Variants in DROSHA observed in about 807,000 individuals in gnomAD.
DROSHA encodes the protein drosha ribonuclease III.
A neutral mutation model predicts 181.9 loss-of-function variants in DROSHA; 56 were observed. The observed-to-expected ratio is 0.31, with a 90% CI of 0.25 to 0.38. The LOEUF (loss-of-function observed/expected upper bound fraction) is 0.38, where lower values mean the gene tolerates loss of function less well. Among genes scored for constraint, DROSHA ranks in the 10% least tolerant of loss-of-function variants. The probability of loss-of-function intolerance (pLI) is 1.00; values close to 1 mark genes in which losing one functional copy is unlikely to be tolerated. For synonymous variants in DROSHA, 524 were observed against 591.2 expected (o/e 0.89, Z 1.65); for missense variants, 1,218 against 1,743.5 (o/e 0.70, Z 5.37).
rs556591157 is a variant in DROSHA, at chr5:31,455,236, C to T, written c.2575-3596G>A. ...AAGACTTCAAGAGAAAATGACAGAT[C>T]CAGAAGAGAAGCAAAAAAGATATAA... On this transcript the variant is annotated intron_variant, in intron 20 of 35. Transcript: ENST00000344624. 4.0e-5 allele frequency among the ~76,000 whole-genome samples: 6 copies of T among 151,448 alleles called. No individual in the cohort carries two copies. In the South Asian group the frequency reaches 1.0e-3, roughly 26 times the overall value.
chr5:31,449,090 G>A (rs544149291), intron 22 of DROSHA, among the ~76,000 whole-genome samples, 191 bp downstream of exon 22: 3 of 151,530 alleles, frequency 2.0e-5, no homozygotes, highest in East Asian at 1.9e-4. Flanking sequence ...AGCTGAGATC[G>A]TGCCACTGCA....
Position 31,532,049 on chromosome 5 carries a change from G to T in DROSHA, c.-309C>A, listed in dbSNP as rs1741490719. The T allele has an allele frequency of 3.0e-6, 1 of 336,770 alleles. No individual in the cohort carries two copies. Among genetic ancestry groups the T allele is most frequent in the Non-Finnish European group, 5.5e-6 (1 of 181,448 alleles). The allele number at this position is 336,770 out of a possible 1,614,324, so 20.9% of individuals were successfully genotyped here. The stretch of plus-strand genomic sequence containing the variant: ...AGAGCAAAGCCAGGCTACTACCGCA[G>T]GTACCAAGACAGTGGCACCGCCCGC... On this transcript the variant is annotated 5_prime_UTR_variant, in exon 1 of 36. The change creates a new upstream start codon in the 5' untranslated region. Coordinates refer to ENST00000344624, the MANE Select transcript of DROSHA (RefSeq NM_001382508.1).
intron 30 of DROSHA, among the ~76,000 whole-genome samples, chr5:31,419,999 G>T (rs1742477205): frequency 6.6e-6 from 1 of 151,880 alleles, no homozygotes; most frequent in South Asian, 2.1e-4. Flanking sequence ...GAGTACTGCT[G>T]ATTCCTCAGC....
intron 14 of DROSHA, among the ~76,000 whole-genome samples, chr5:31,485,650 A>AACC (rs1554039002): frequency 2.0e-5 from 3 of 149,438 alleles, no homozygotes; most frequent in Admixed American, 6.7e-5. Flanking sequence ...AAAAAAAAAA[A>AACC]CCCTTCTAAA....
At position 31,406,843 on chromosome 5, in the gene DROSHA, C is replaced by T; in HGVS notation, c.3947+10G>A. On this transcript the variant is annotated intron_variant, in intron 34 of 35. Coordinates refer to ENST00000344624, the MANE Select transcript of DROSHA (RefSeq NM_001382508.1). ...CATTCAAAGCAATTCCAGGTATTCT[C>T]TTCTCATACCTTGGTCCTTTCCCAC... 6.2e-7 allele frequency: 1 copy of T among 1,611,084 alleles called. No homozygotes were observed. The highest frequency in any genetic ancestry group is 1.7e-4 in the Middle Eastern group (1 of 6,056).
chr5:31,497,868 G>C (rs925056203), intron 11 of DROSHA, among the ~76,000 whole-genome samples: 1 of 152,198 alleles, frequency 6.6e-6, no homozygotes, highest in Non-Finnish European at 1.5e-5. Context: ...TGCTCAAGCA[G>C]TTTATTCTGC....
chr5:31,470,491 C>A lies in DROSHA; in HGVS notation c.2241+1572G>T, dbSNP rs975479711. On this transcript the variant is annotated intron_variant, in intron 17 of 35. Coordinates refer to ENST00000344624, the MANE Select transcript of DROSHA (RefSeq NM_001382508.1). The surrounding 1 kb of genome is among the most constrained non-coding windows in gnomAD (Gnocchi z 4.0). Reference sequence around the variant, plus strand: ...CGCAACTACTTTTGTGCCAGCCTAACATATAACTTCACTAGCACCTGGCTC... The same window carrying A: ...CGCAACTACTTTTGTGCCAGCCTAAAATATAACTTCACTAGCACCTGGCTC... Among the ~76,000 whole-genome samples, 4 of 152,180 alleles carry A rather than the reference C, an allele frequency of 2.6e-5. No homozygotes were observed. Among genetic ancestry groups the A allele is most frequent in the Non-Finnish European group, 5.9e-5 (4 of 68,032 alleles).
chr5:31,428,000 G>A (rs1177250230), intron 27 of DROSHA, among the ~76,000 whole-genome samples: 1 of 152,130 alleles, frequency 6.6e-6, no homozygotes, highest in African/African-American at 2.4e-5. Context: ...CTGTTTGTAA[G>A]ATAATGTTCA....
chr5:31,528,478 C>T (rs1028432890), intron 4 of DROSHA, among the ~76,000 whole-genome samples: 3 of 151,466 alleles, frequency 2.0e-5, no homozygotes, highest in African/African-American at 7.3e-5. Context: ...TCTGACTTGT[C>T]CTCCCTCACC....
intron 24 of DROSHA, among the ~76,000 whole-genome samples, chr5:31,436,317 A>G (rs933573725): frequency 6.6e-6 from 1 of 152,140 alleles, no homozygotes; most frequent in African/African-American, 2.4e-5. Flanking sequence ...GAGTTCCAAG[A>G]GAAGCATGTA....
chr5:31,482,374 G>A (rs1751133451), intron 16 of DROSHA, among the ~76,000 whole-genome samples: 1 of 152,050 alleles, frequency 6.6e-6, no homozygotes, highest in Admixed American at 6.5e-5. Flanking sequence ...GACCTGGTGG[G>A]GAAGGCAAAG....
chr5:31,482,738 T>A (rs1439939451), intron 16 of DROSHA, among the ~76,000 whole-genome samples: 1 of 149,814 alleles, frequency 6.7e-6, no homozygotes, highest in Non-Finnish European at 1.5e-5. Context: ...AAAGAAGGAG[T>A]GGGAATAGGG....
At position 31,508,024 on chromosome 5, in the gene DROSHA, T is replaced by C. The variant is rs570078221; in HGVS notation, c.1587+597A>G. Among the ~76,000 whole-genome samples, 3 of 152,356 alleles carry C rather than the reference T, an allele frequency of 2.0e-5. No homozygotes were observed. In the South Asian group the frequency reaches 6.2e-4, roughly 32 times the overall value. ...ATTTTAAATTATCTTTTTACAGATA[T>C]GCCTTAGCTTCCTAACTTTACATGC... On this transcript the variant is annotated intron_variant, in intron 10 of 35. Coordinates refer to ENST00000344624, the MANE Select transcript of DROSHA (RefSeq NM_001382508.1).
intron 13 of DROSHA, among the ~76,000 whole-genome samples, chr5:31,492,586 A>G (rs1752545122): frequency 6.6e-6 from 1 of 152,144 alleles, no homozygotes; most frequent in Non-Finnish European, 1.5e-5. Flanking sequence ...CAGCCAATTC[A>G]CTCTACATCC....
chr5:31,519,019 C>T (rs1015945663), intron 6 of DROSHA, among the ~76,000 whole-genome samples: 3 of 152,108 alleles, frequency 2.0e-5, no homozygotes, highest in African/African-American at 7.2e-5. Flanking sequence ...GTCTCAGGCA[C>T]TCCAAAATTC....
In DROSHA at chr5:31,521,207, T is replaced by A. The variant is rs1739853597; in HGVS notation, c.863A>T (p.Glu288Val). 3.7e-6 allele frequency: 6 copies of A among 1,613,646 alleles called. No homozygotes were observed. Among genetic ancestry groups the A allele is most frequent in the Non-Finnish European group, 5.1e-6 (6 of 1,179,622 alleles). ...HRSYERSRER[E>V]RERHRHRDNR... is the part of the protein sequence containing the mutation. ...GTCTCGATGCCTGTGTCTCTCCCGT[T>A]CTCGCTCTCTTAAAGGAATTAATAC... Residue 288 changes from glutamate (E) to valine (V), a missense_variant, in exon 6 of 36, where the codon GAA becomes GTA. Glu to Val is a moderately radical substitution (Grantham distance 121). This residue lies in a region of DROSHA where 536 missense variants were observed against 535.4 expected (regional missense o/e 1.00). Coordinates refer to ENST00000344624, the MANE Select transcript of DROSHA (RefSeq NM_001382508.1).
intron 10 of DROSHA, among the ~76,000 whole-genome samples, chr5:31,504,970 C>T (rs985039534): frequency 1.3e-5 from 2 of 152,190 alleles, no homozygotes; most frequent in Non-Finnish European, 2.9e-5. Flanking sequence ...AGAAAAATGA[C>T]TCTTTCACAA....
intron 23 of DROSHA, among the ~76,000 whole-genome samples, chr5:31,445,021 T>A (rs1430382566): frequency 6.6e-6 from 1 of 152,236 alleles, no homozygotes; most frequent in Non-Finnish European, 1.5e-5. Context: ...TGGAGGCCAG[T>A]GGGCAGCTGA....
chr5:31,471,998 A>C, intron 17 of DROSHA, 65 bp downstream of exon 17: 1 of 1,433,424 alleles, frequency 7.0e-7, no homozygotes, highest in South Asian at 1.7e-5. Context: ...TACTGTTTTC[A>C]TGAAACATTC....
Sources: gnomAD v4.1 joint callset for allele counts (sites outside exome capture counted in the v4.1 genomes callset) on GRCh38, gnomAD v4.1.1 for gene constraint, gnomAD v4.1.1 regional missense constraint, Gnocchi (gnomAD v3.1) non-coding constraint, MANE v1.5 for transcripts, NCBI Gene and HGNC (gene_info 2026-07-23, HGNC 2026-07-21) for gene names.